The following PRSS35 variants were observed in gnomAD, a reference collection of about 807,000 sequenced individuals.
The protein encoded by PRSS35 is inactive serine protease 35.
Under a neutral mutation model 8.1 loss-of-function variants are expected in PRSS35, and 7 were observed. That is an observed-to-expected ratio of 0.86 (90% CI 0.49 to 1.62). The LOEUF is 1.62. Among genes scored for constraint, PRSS35 ranks in the 40% most tolerant of loss-of-function variants. The pLI is 0.00. For synonymous variants in PRSS35, 199 were observed against 188.7 expected (o/e 1.05, Z -0.45); for missense variants, 566 against 518.0 (o/e 1.09, Z -0.90).
chr6:83,521,808 A>C (rs138633070), intron 1 of PRSS35, among the ~76,000 whole-genome samples: 2 of 152,200 alleles, frequency 1.3e-5, no homozygotes, highest in Admixed American at 1.3e-4. Context: ...GGCCTGCTTA[A>C]TATTTCCAAA....
intron 1 of PRSS35, among the ~76,000 whole-genome samples, chr6:83,514,343 A>C (rs1339110178): frequency 6.6e-6 from 1 of 152,196 alleles, no homozygotes; most frequent in East Asian, 1.9e-4. Context: ...TGAGATGTAC[A>C]GGTCATGGAA....
intron 1 of PRSS35, among the ~76,000 whole-genome samples, chr6:83,518,695 T>G (rs1771767371): frequency 6.6e-6 from 1 of 152,206 alleles, no homozygotes. Context: ...TTTAGAAAAC[T>G]ACAAGATCTC....
intron 1 of PRSS35, among the ~76,000 whole-genome samples, chr6:83,522,732 A>G (rs950570198): frequency 1.3e-5 from 2 of 152,192 alleles, no homozygotes; most frequent in African/African-American, 4.8e-5. Context: ...GGCCTGTGCT[A>G]TATATTTTCT....
intron 1 of PRSS35, among the ~76,000 whole-genome samples, chr6:83,520,716 C>G (rs1771805837): frequency 6.6e-6 from 1 of 152,128 alleles, no homozygotes; most frequent in South Asian, 2.1e-4. Flanking sequence ...AGAACAATAG[C>G]TTTATAAACC....
rs1771892003 is a variant in PRSS35 at position 83,524,336 on chromosome 6, A to C, written c.895A>C (p.Ile299Leu). 1 of 1,614,068 alleles carries C rather than the reference A, an allele frequency of 6.2e-7. No homozygotes were observed. The highest frequency in any genetic ancestry group is 1.7e-5 in the Admixed American group (1 of 60,000). The change falls in exon 2 of 2, where the codon ATC becomes CTC. Residue 299 changes from isoleucine to leucine, a missense_variant. Transcript: ENST00000369700. ...KYMELGISPTIKKMPGGMIHF... is the reference protein window; with the variant it reads ...KYMELGISPTLKKMPGGMIHF... Reference sequence around the variant, plus strand: ...CATGGAACTTGGAATCAGCCCAACGATCAAGAAAATGCCTGGTGGAATGAT... The same window carrying C: ...CATGGAACTTGGAATCAGCCCAACGCTCAAGAAAATGCCTGGTGGAATGAT...
At chr6:83,514,430 T>G (rs1267555987) in intron 1 of PRSS35, among the ~76,000 whole-genome samples, 2 of 152,194 alleles carry the variant, frequency 1.3e-5, no homozygotes, top group African/African-American at 2.4e-5. Flanking sequence ...TGTAAAATAA[T>G]CAACTGTGTA....
At position 83,524,498 on chromosome 6, in the gene PRSS35, C is replaced by A; in HGVS notation, c.1057C>A (p.Arg353Ser). ...SGSTGSGVYL[R>S]LKDPDKKNWK... is the part of the protein sequence containing the mutation. ...CTCCACCGGTTCGGGGGTCTATCTG[C>A]GTCTGAAAGATCCAGACAAAAAGAA... is the stretch of plus-strand genomic sequence containing the variant. Residue 353 changes from arginine (R) to serine (S), a missense_variant, in exon 2 of 2, where the codon CGT becomes AGT. By Grantham distance (110) the Arg-to-Ser change is moderately radical (BLOSUM62 -1). Coordinates refer to ENST00000369700, the MANE Select transcript of PRSS35 (RefSeq NM_153362.3). 1 of 1,614,134 alleles carries A rather than the reference C, an allele frequency of 6.2e-7. No individual in the cohort carries two copies. Among genetic ancestry groups the A allele is most frequent in the Non-Finnish European group, 8.5e-7 (1 of 1,180,024 alleles).
chr6:83,523,932 T>G lies in PRSS35; in HGVS notation c.491T>G (p.Val164Gly), dbSNP rs1265672536. Residue 164 changes from valine (V) to glycine (G), a missense_variant, in exon 2 of 2, where the codon GTT (valine) becomes GGT (glycine). By Grantham distance (109) the Val-to-Gly change is moderately radical. Transcript: ENST00000369700. ...CSGILISPQH[V>G]LTAAHCVHDG... ...GGCATTCTCATTTCCCCTCAGCATGTTCTAACTGCTGCCCACTGTGTTCAT... is the reference window on the plus strand; with the variant it reads ...GGCATTCTCATTTCCCCTCAGCATGGTCTAACTGCTGCCCACTGTGTTCAT... 4 of 1,614,186 alleles carry G rather than the reference T, an allele frequency of 2.5e-6. No homozygotes were observed. The highest frequency in any genetic ancestry group is 1.1e-5 in the South Asian group (1 of 91,084).
At position 83,524,470 on chromosome 6, in the gene PRSS35, G is replaced by A. The variant is rs757228644; in HGVS notation, c.1029G>A (p.Ser343=). 21 of 1,613,972 alleles carry A rather than the reference G, an allele frequency of 1.3e-5. No homozygotes were observed. The Admixed American group carries it at 1.7e-4, about 13-fold the overall frequency. ...TTTACCAATACTGCGATGCTGAGTCGGGCTCCACCGGTTCGGGGGTCTATC... is the reference window on the plus strand; with the variant it reads ...TTTACCAATACTGCGATGCTGAGTCAGGCTCCACCGGTTCGGGGGTCTATC... The part of the protein sequence containing the change: ...DLLYQYCDAE[S]GSTGSGVYLR... The change falls in exon 2 of 2, where the codon TCG becomes TCA. Residue 343 remains serine, a synonymous_variant. Coordinates refer to ENST00000369700, the MANE Select transcript of PRSS35 (RefSeq NM_153362.3).
rs1366553513 is a variant in PRSS35, at chr6:83,524,284, G to A, written c.843G>A (p.Glu281=). 6.2e-7 allele frequency: 1 copy of A among 1,614,138 alleles called. No individual in the cohort carries two copies. The highest frequency in any genetic ancestry group is 1.7e-5 in the Admixed American group (1 of 60,014). Residue 281 remains glutamate, a synonymous_variant, in exon 2 of 2, where the codon GAG becomes GAA. Transcript: ENST00000369700. ...TGGACTATGACTATGCTCTTCTGGA[G>A]CTGAAGCGTGCTCACAAAAAGAAAT... The part of the protein sequence containing the change: ...ATLDYDYALL[E]LKRAHKKKYM...
Position 83,524,882 on chromosome 6 carries a change from G to T in PRSS35, c.*199G>T. The T allele has an allele frequency of 1.7e-6, 1 of 596,332 alleles. No individual in the cohort carries two copies. Among genetic ancestry groups the T allele is most frequent in the Non-Finnish European group, 2.9e-6 (1 of 342,584 alleles). 36.9% of individuals were successfully genotyped at this position (596,332 alleles called of 1,614,324 possible). A position where few individuals can be genotyped will look rare whatever the true frequency, so the allele number is the denominator to read the frequency against. ...ATTGAAACTAGGTGGGCACTTCAAT[G>T]CCAAGTATATACTCTTCTTTACATG... On this transcript the variant is annotated 3_prime_UTR_variant, in exon 2 of 2. Coordinates refer to ENST00000369700, the MANE Select transcript of PRSS35 (RefSeq NM_153362.3).
In PRSS35 at chr6:83,523,272, T is replaced by G. The variant is rs1281472515; in HGVS notation, c.-20-150T>G. On this transcript the variant is annotated intron_variant, in intron 1 of 1. Transcript: ENST00000369700. ...GTCTGTGTGAGCCCACTTACCAGTG[T>G]TTATCTAATCTCAATAAAATCTAGG... The G allele has an allele frequency of 9.3e-6, 6 of 645,798 alleles. No homozygotes were observed. The East Asian group carries it at 1.7e-4, about 18-fold the overall frequency. The allele number at this position is 645,798 out of a possible 1,614,324, so 40.0% of individuals were successfully genotyped here.
chr6:83,522,581 T>C lies in PRSS35; in HGVS notation c.-20-841T>C, dbSNP rs1771842644. Among the ~76,000 whole-genome samples, 3 of 152,208 alleles carry C rather than the reference T, an allele frequency of 2.0e-5. No homozygotes were observed. The South Asian group carries it at 6.2e-4, about 32-fold the overall frequency. On this transcript the variant is annotated intron_variant, in intron 1 of 1. Coordinates refer to ENST00000369700, the MANE Select transcript of PRSS35 (RefSeq NM_153362.3). ...TCCCCCCCAAACAGCCTGTACTTCATAAATTCTTACAAATAATTTTAATAT... is the reference window on the plus strand; with the variant it reads ...TCCCCCCCAAACAGCCTGTACTTCACAAATTCTTACAAATAATTTTAATAT...
chr6:83,524,139 G>GA lies in PRSS35; in HGVS notation c.705dup (p.Ser236IlefsTer41), dbSNP rs746796662. 5 of 1,613,850 alleles carry GA rather than the reference G, an allele frequency of 3.1e-6. No individual in the cohort carries two copies. The highest frequency in any genetic ancestry group is 3.4e-6 in the Non-Finnish European group (4 of 1,179,980). The stretch of plus-strand genomic sequence containing the variant: ...GAGAGAGCGAAGGGTGGGAGAAGAA[G>GA]AAAAAAATCTGGCCGGGGTCAGAGG... On this transcript the variant is annotated frameshift_variant, in exon 2 of 2. Transcript: ENST00000369700. LOFTEE classifies it low-confidence loss of function (END_TRUNC).
rs1771884950 is a variant in PRSS35 at position 83,524,206 on chromosome 6, G to C, written c.765G>C (p.Lys255Asn). 6.2e-7 allele frequency: 1 copy of C among 1,614,002 alleles called. No homozygotes were observed. ...CTTCCTTTCAGTGGACCCGGGTCAA[G>C]AATACCCACATTCCGAAGGGCTGGG... ...GRPSFQWTRV[K>N]NTHIPKGWAR... Residue 255 changes from lysine to asparagine, a missense_variant, in exon 2 of 2, where the codon AAG becomes AAC. Lys to Asn is a moderately conservative substitution (Grantham distance 94). Coordinates refer to ENST00000369700, the MANE Select transcript of PRSS35 (RefSeq NM_153362.3).
chr6:83,523,796 A>G lies in PRSS35; in HGVS notation c.355A>G (p.Arg119Gly). Residue 119 changes from arginine (R) to glycine (G), a missense_variant, in exon 2 of 2, where the codon AGG becomes GGG. Coordinates refer to ENST00000369700, the MANE Select transcript of PRSS35 (RefSeq NM_153362.3). The stretch of plus-strand genomic sequence containing the variant: ...TATCACCACAAAGGGAGTATCTGTT[A>G]GGAGAAAGAGACAGGTGTATGGCAC... ...QNITTKGVSV[R>G]RKRQVYGTDS... is the part of the protein sequence containing the mutation. 1.2e-6 allele frequency: 2 copies of G among 1,614,192 alleles called. No individual in the cohort carries two copies. The highest frequency in any genetic ancestry group is 4.5e-5 in the East Asian group (2 of 44,872).
At chr6:83,520,439 C>T (rs1771800302) in intron 1 of PRSS35, among the ~76,000 whole-genome samples, 1 of 152,176 alleles carries the variant, frequency 6.6e-6, no homozygotes, top group African/African-American at 2.4e-5. Flanking sequence ...GCATTTTTAA[C>T]AAGTTTCCAG....
rs747518209 is a variant in PRSS35, at chr6:83,523,986, A to G, written c.545A>G (p.Lys182Arg). ...GGAAAGGACTATGTCAAAGGGAGTA[A>G]AAAGCTAAGGGTAGGGTTGTTGAAG... ...HDGKDYVKGS[K>R]KLRVGLLKMR... Residue 182 changes from lysine (K) to arginine (R), a missense_variant, in exon 2 of 2, where the codon AAA (lysine) becomes AGA (arginine). Transcript: ENST00000369700. 6.2e-7 allele frequency: 1 copy of G among 1,614,168 alleles called. No homozygotes were observed. The highest frequency in any genetic ancestry group is 1.7e-5 in the Admixed American group (1 of 60,018).
In PRSS35 at chr6:83,524,549, T is replaced by C; in HGVS notation, c.1108T>C (p.Tyr370His). 6.2e-7 allele frequency: 1 copy of C among 1,614,200 alleles called. No individual in the cohort carries two copies. The highest frequency in any genetic ancestry group is 8.5e-7 in the Non-Finnish European group (1 of 1,180,034). Residue 370 changes from tyrosine (Y) to histidine (H), a missense_variant, in exon 2 of 2, where the codon TAC (tyrosine) becomes CAC (histidine). By Grantham distance (83) the Tyr-to-His change is moderately conservative (BLOSUM62 2). Transcript: ENST00000369700. ...KNWKRKIIAV[Y>H]SGHQWVDVHG... ...TTGGAAGCGCAAAATCATTGCGGTC[T>C]ACTCAGGGCACCAGTGGGTGGATGT...
Sources: gnomAD v4.1 joint callset for allele counts (sites outside exome capture counted in the v4.1 genomes callset) on GRCh38, gnomAD v4.1.1 for gene constraint, MANE v1.5 for transcripts, NCBI Gene and HGNC (gene_info 2026-07-23, HGNC 2026-07-21) for gene names.